IDE: variants seen among roughly 807,000 people sequenced by gnomAD.
IDE encodes insulin-degrading enzyme.
In IDE, 58 loss-of-function variants were observed where a neutral mutation model predicts 133.2. The ratio of observed to expected loss-of-function variants is 0.44; its 90% CI spans 0.35 to 0.54. The LOEUF is 0.54. Ranked by LOEUF, IDE falls within the 20% of genes least tolerant of loss-of-function variation. IDE has a pLI of 0.00. For missense variants in IDE, 981 were observed against 1,234.0 expected (o/e 0.79, Z 3.07); for synonymous variants, 396 against 421.3 (o/e 0.94, Z 0.73).
At chr10:92,480,947 G>T in intron 14 of IDE, 1 of 945,692 alleles carries the variant, frequency 1.1e-6, no homozygotes, top group Non-Finnish European at 1.3e-6. Flanking sequence ...GGGATAAAAT[G>T]TGTAGTCACT....
intron 3 of IDE, 146 bp downstream of exon 3, chr10:92,534,430 ATT>A: frequency 1.7e-6 from 1 of 586,904 alleles, no homozygotes; most frequent in Non-Finnish European, 2.9e-6. Flanking sequence ...GACATCACTC[ATT>A]TTTTCTTTTT....
rs1844846282 is a variant in IDE, at chr10:92,453,604, A to G, written c.*840T>C. The G allele has an allele frequency of 6.6e-6, 1 of 152,220 alleles. No homozygotes were observed. Among genetic ancestry groups the G allele is most frequent in the Non-Finnish European group, 1.5e-5 (1 of 68,024 alleles). 9.4% of individuals were successfully genotyped at this position (152,220 alleles called of 1,614,324 possible). Reference sequence around the variant, plus strand: ...CTGATGTTGGAAAAGCATGTCACACACTCAGTAGGATCTGAAGTTGACCCT... The same window carrying G: ...CTGATGTTGGAAAAGCATGTCACACGCTCAGTAGGATCTGAAGTTGACCCT... On this transcript the variant is annotated 3_prime_UTR_variant, in exon 25 of 25. Transcript: ENST00000265986.
chr10:92,543,061 T>C (rs544348172), intron 1 of IDE, among the ~76,000 whole-genome samples: 26 of 152,364 alleles, frequency 1.7e-4, no homozygotes, highest in Non-Finnish European at 3.4e-4. Context: ...CTCTCACAAA[T>C]TTAAAGTCAG....
At position 92,483,292 on chromosome 10, in the gene IDE, A is replaced by C. The variant is rs1846732322; in HGVS notation, c.1702T>G (p.Phe568Val). Residue 568 changes from phenylalanine (F) to valine (V), a missense_variant, in exon 14 of 25, where the codon TTT becomes GTT. By Grantham distance (50) the Phe-to-Val change is conservative. Around this residue, in one of 2 missense-constraint regions of IDE, gnomAD observed 660 missense variants for 894.7 expected, o/e 0.74. Coordinates refer to ENST00000265986, the MANE Select transcript of IDE (RefSeq NM_004969.4). The part of the protein sequence containing the change: ...KLWFKQDDKF[F>V]LPKACLNFEF... ...AAGTTGAGACAAGCCTTCGGCAAAA[A>C]AAACTTATCATCTTGTTTGAACCAA... The C allele has an allele frequency of 1.2e-6, 2 of 1,610,362 alleles. No individual in the cohort carries two copies. The highest frequency in any genetic ancestry group is 1.7e-6 in the Non-Finnish European group (2 of 1,176,614).
At chr10:92,573,038 C>T in intron 1 of IDE, 1 of 985,330 alleles carries the variant, frequency 1.0e-6, no homozygotes, top group Non-Finnish European at 1.2e-6. Flanking sequence ...TAGGTGCTGG[C>T]TATTACTGAT....
rs1315901733 is a variant in IDE, at chr10:92,515,421, G to A, written c.662-379C>T. Among the ~76,000 whole-genome samples the A allele has an allele frequency of 2.0e-5, 3 of 151,118 alleles. No individual in the cohort carries two copies. The South Asian group carries it at 6.3e-4, about 32-fold the overall frequency. ...ACTACAGGCGCCCACCACGACACCT[G>A]GCTAATTTTTTGTATTTTTAGTAGA... On this transcript the variant is annotated intron_variant, in intron 4 of 24. Transcript: ENST00000265986.
In IDE at chr10:92,464,979, A is replaced by G. The variant is rs180949892; in HGVS notation, c.2488+697T>C. On this transcript the variant is annotated intron_variant, in intron 20 of 24. Coordinates refer to ENST00000265986, the MANE Select transcript of IDE (RefSeq NM_004969.4). ...GCCACCGTGCCCGGCCAATAGTTTG[A>G]GCTCTTATAATAACATTTACCATGC... Among the ~76,000 whole-genome samples the G allele has an allele frequency of 6.6e-5, 10 of 152,264 alleles. No individual in the cohort carries two copies. The East Asian group carries it at 1.7e-3, about 27-fold the overall frequency.
chr10:92,531,350 T>C (rs1849912993), intron 4 of IDE, among the ~76,000 whole-genome samples: 1 of 152,122 alleles, frequency 6.6e-6, no homozygotes, highest in African/African-American at 2.4e-5. Flanking sequence ...GCTAACCCCA[T>C]AGCAGACGCT....
chr10:92,482,925 C>G (rs535093661), intron 14 of IDE, among the ~76,000 whole-genome samples: 1 of 152,122 alleles, frequency 6.6e-6, no homozygotes, highest in South Asian at 2.1e-4. Flanking sequence ...GGACTACAGG[C>G]ACCCACCACC....
Position 92,478,825 on chromosome 10 carries a change from C to T in IDE, c.1884+452G>A, listed in dbSNP as rs879942980. The T allele has an allele frequency of 2.1e-5, 23 of 1,119,480 alleles. No homozygotes were observed. The Admixed American group carries it at 7.6e-4, about 37-fold the overall frequency. The allele number at this position is 1,119,480 out of a possible 1,614,324, so 69.3% of individuals were successfully genotyped here. A position where few individuals can be genotyped will look rare whatever the true frequency, so the allele number is the denominator to read the frequency against. On this transcript the variant is annotated intron_variant, in intron 15 of 24. Transcript: ENST00000265986. ...GAAAAACAAAAGAAATGCTTTGATA[C>T]CTCAAGCAGTGGCATGGTAATGAAG...
At chr10:92,468,454 A>G (rs887046338) in intron 19 of IDE, among the ~76,000 whole-genome samples, 2 of 152,210 alleles carry the variant, frequency 1.3e-5, no homozygotes, top group Non-Finnish European at 2.9e-5. Flanking sequence ...ATAAAAATAT[A>G]CTTGTAATGA....
chr10:92,465,697 G>C lies in IDE; in HGVS notation c.2467C>G (p.Leu823Val), dbSNP rs1416439491. 6.2e-7 allele frequency: 1 copy of C among 1,613,506 alleles called. No individual in the cohort carries two copies. Among genetic ancestry groups the C allele is most frequent in the Admixed American group, 1.7e-5 (1 of 59,994 alleles). The change falls in exon 20 of 25, where the codon CTG (leucine) becomes GTG (valine). Residue 823 changes from leucine to valine, a missense_variant. Around this residue, in one of 2 missense-constraint regions of IDE, gnomAD observed 660 missense variants for 894.7 expected, o/e 0.74. Coordinates refer to ENST00000265986, the MANE Select transcript of IDE (RefSeq NM_004969.4). ...TCACCCAACTGCTCCTTGGTGCGCAGGGTGTTGAAGCAAGGTTCCGAGATA... is the reference window on the plus strand; with the variant it reads ...TCACCCAACTGCTCCTTGGTGCGCACGGTGTTGAAGCAAGGTTCCGAGATA... ...QIISEPCFNTLRTKEQLGYIV... is the reference protein window; with the variant it reads ...QIISEPCFNTVRTKEQLGYIV...
At chr10:92,569,458 C>T (rs974065015) in intron 1 of IDE, among the ~76,000 whole-genome samples, 1 of 152,162 alleles carries the variant, frequency 6.6e-6, no homozygotes, top group Non-Finnish European at 1.5e-5. Flanking sequence ...GATAATCTCA[C>T]TGATGTAAGA....
At position 92,510,142 on chromosome 10, in the gene IDE, T is replaced by G. The variant is rs1270988529; in HGVS notation, c.805A>C (p.Asn269His). Residue 269 changes from asparagine to histidine, a missense_variant, in exon 6 of 25, where the codon AAT becomes CAT. This residue lies in a region of IDE where 321 missense variants were observed against 339.3 expected (regional missense o/e 0.95). Coordinates refer to ENST00000265986, the MANE Select transcript of IDE (RefSeq NM_004969.4). ...LGRESLDDLT[N>H]LVVKLFSEVE... The stretch of plus-strand genomic sequence containing the variant: ...TCAGAAAATAACTTTACCACCAGAT[T>G]AGTCAAGTCATCTAAAGATTCTACA... The G allele has an allele frequency of 1.9e-6, 3 of 1,577,086 alleles. No individual in the cohort carries two copies. Among genetic ancestry groups the G allele is most frequent in the Middle Eastern group, 3.3e-4 (2 of 5,982 alleles).
At chr10:92,506,704 G>C (rs1013799805) in intron 9 of IDE, among the ~76,000 whole-genome samples, 182 bp from the exon 10 acceptor site, 2 of 151,704 alleles carry the variant, frequency 1.3e-5, no homozygotes, top group African/African-American at 4.8e-5. Flanking sequence ...ATTTCTTAAT[G>C]TGTATAAAAT....
chr10:92,534,507 G>T, intron 3 of IDE, 71 bp downstream of exon 3: 2 of 885,618 alleles, frequency 2.3e-6, no homozygotes. Flanking sequence ...CATCTCTGTG[G>T]AAATAATAAT....
At chr10:92,535,143 G>A (rs868706639) in intron 2 of IDE, among the ~76,000 whole-genome samples, 2 of 151,790 alleles carry the variant, frequency 1.3e-5, no homozygotes, top group Admixed American at 6.6e-5. Flanking sequence ...TTGCTCTGTC[G>A]CCCAGGCTGG....
chr10:92,544,219 C>A (rs12218329), intron 1 of IDE, among the ~76,000 whole-genome samples: 14,338 of 145,942 alleles, frequency 0.098, 802 homozygotes, highest in South Asian at 0.17. Context: ...GGTGACAGAG[C>A]GAGACACCAT....
intron 1 of IDE, chr10:92,572,951 C>T (rs995781007): frequency 1.0e-6 from 1 of 985,280 alleles, no homozygotes; most frequent in African/African-American, 1.7e-5. Flanking sequence ...TCCCAATCCG[C>T]TCCAATCAAG....
Sources: gnomAD v4.1 joint callset for allele counts (sites outside exome capture counted in the v4.1 genomes callset) on GRCh38, gnomAD v4.1.1 for gene constraint, gnomAD v4.1.1 regional missense constraint, MANE v1.5 for transcripts, NCBI Gene and HGNC (gene_info 2026-07-23, HGNC 2026-07-21) for gene names.